SRBD1: variants seen among roughly 807,000 people sequenced by gnomAD.
The protein encoded by SRBD1 is S1 RNA-binding domain-containing protein 1.
A neutral mutation model predicts 115.3 loss-of-function variants in SRBD1; 88 were observed. The observed-to-expected ratio is 0.76, with a 90% CI of 0.64 to 0.91. The LOEUF is 0.91. SRBD1 is among the 40% of genes least tolerant of loss of function. The pLI, the probability that SRBD1 is intolerant of heterozygous loss-of-function variation, is 0.00. For synonymous variants in SRBD1, 509 were observed against 407.7 expected (o/e 1.25, Z -2.99); for missense variants, 1,385 against 1,177.4 (o/e 1.18, Z -2.58).
intron 14 of SRBD1, among the ~76,000 whole-genome samples, chr2:45,532,490 A>G (rs1671643348): frequency 6.6e-6 from 1 of 151,830 alleles, no homozygotes; most frequent in Non-Finnish European, 1.5e-5. Context: ...TGAGTAGAGA[A>G]TAAATAAAAG....
intron 16 of SRBD1, among the ~76,000 whole-genome samples, chr2:45,438,713 G>A (rs572912474): frequency 6.6e-6 from 1 of 152,062 alleles, no homozygotes; most frequent in Non-Finnish European, 1.5e-5. Context: ...AGGATGGGGG[G>A]TATAAAAGAA....
chr2:45,450,040 G>A (rs573763856), intron 16 of SRBD1, among the ~76,000 whole-genome samples: 1 of 152,190 alleles, frequency 6.6e-6, no homozygotes, highest in South Asian at 2.1e-4. Flanking sequence ...CCAAACACTT[G>A]GAAGTGAAAC....
At chr2:45,453,297 GAA>G (rs1669052894) in intron 16 of SRBD1, among the ~76,000 whole-genome samples, 1 of 148,510 alleles carries the variant, frequency 6.7e-6, no homozygotes, top group Non-Finnish European at 1.5e-5. Flanking sequence ...GAAAAGAAAA[GAA>G]AAAGGAAAGA....
At chr2:45,555,391 AAAAC>A (rs1485584121) in intron 10 of SRBD1, among the ~76,000 whole-genome samples, 7 of 152,158 alleles carry the variant, frequency 4.6e-5, no homozygotes, top group Non-Finnish European at 8.8e-5. Flanking sequence ...AAACAAAAAC[AAAAC>A]AAACAAAAAA....
At chr2:45,599,411 T>C in intron 4 of SRBD1, 38 bp downstream of exon 4, 1 of 1,582,302 alleles carries the variant, frequency 6.3e-7, no homozygotes. Context: ...AAGAAAGCAC[T>C]CAAAACAACT....
intron 18 of SRBD1, among the ~76,000 whole-genome samples, chr2:45,414,183 C>A (rs1667691125): frequency 6.6e-6 from 1 of 151,956 alleles, no homozygotes. Flanking sequence ...CATACCTAGT[C>A]AAATTAGCAT....
intron 14 of SRBD1, among the ~76,000 whole-genome samples, chr2:45,507,618 G>A (rs1670836734): frequency 2.0e-5 from 3 of 151,856 alleles, no homozygotes; most frequent in African/African-American, 7.3e-5. Flanking sequence ...CTACTCAAGA[G>A]GCTGAGGCAG....
chr2:45,390,818 TA>T (rs1243326000), intron 20 of SRBD1, among the ~76,000 whole-genome samples: 1 of 152,170 alleles, frequency 6.6e-6, no homozygotes, highest in Non-Finnish European at 1.5e-5. Context: ...TAAAACAAAA[TA>T]AAAACCTTCT....
chr2:45,430,119 T>C, intron 16 of SRBD1, among the ~76,000 whole-genome samples: 1 of 151,998 alleles, frequency 6.6e-6, no homozygotes, highest in East Asian at 1.9e-4. Flanking sequence ...TACAAACCAC[T>C]GCGCAAGGAA....
chr2:45,430,751 A>G (rs1468706530), intron 16 of SRBD1, among the ~76,000 whole-genome samples: 1 of 152,250 alleles, frequency 6.6e-6, no homozygotes, highest in Non-Finnish European at 1.5e-5. Context: ...CTTCATGACT[A>G]AAACACCAAA....
At chr2:45,462,764 T>C (rs1263903882) in intron 16 of SRBD1, among the ~76,000 whole-genome samples, 1 of 151,828 alleles carries the variant, frequency 6.6e-6, no homozygotes, top group East Asian at 1.9e-4. Context: ...AGGCAGAGCT[T>C]GCAGTGAGCT....
intron 16 of SRBD1, among the ~76,000 whole-genome samples, chr2:45,472,085 C>A (rs1392448683): frequency 6.6e-6 from 1 of 151,926 alleles, no homozygotes; most frequent in Non-Finnish European, 1.5e-5. Flanking sequence ...AAAAGCCTAC[C>A]AACTGATGAA....
intron 14 of SRBD1, among the ~76,000 whole-genome samples, chr2:45,509,853 G>A (rs1670913665): frequency 6.6e-6 from 1 of 152,074 alleles, no homozygotes; most frequent in African/African-American, 2.4e-5. Flanking sequence ...TCCCATCTCA[G>A]CCTCCTGAGT....
intron 2 of SRBD1, among the ~76,000 whole-genome samples, chr2:45,602,839 G>T (rs1674142348): frequency 6.6e-6 from 1 of 152,086 alleles, no homozygotes; most frequent in Admixed American, 6.5e-5. Flanking sequence ...GGGAAGTCTG[G>T]GTTTTTTAAT....
chr2:45,432,301 T>C (rs149868312), intron 16 of SRBD1, among the ~76,000 whole-genome samples: 7,163 of 152,186 alleles, frequency 0.047, 305 homozygotes, highest in East Asian at 0.13. Context: ...AGTGCTGGGA[T>C]TACAGGTGTG....
chr2:45,506,119 T>C (rs1009274416), intron 14 of SRBD1, among the ~76,000 whole-genome samples: 6 of 152,158 alleles, frequency 3.9e-5, no homozygotes, highest in Non-Finnish European at 8.8e-5. Flanking sequence ...AATCAGTGAT[T>C]TGTTTAGGGA....
In SRBD1 at chr2:45,592,565, G is replaced by A. The variant is rs1284558212; in HGVS notation, c.649-6791C>T. ...CCACTCCTACTCTGAAGTTTGCCTT[G>A]GTCTCTCTTGCTTTATGCCCCTCAG... On this transcript the variant is annotated intron_variant, in intron 4 of 20. Transcript: ENST00000263736. 2.0e-5 allele frequency among the ~76,000 whole-genome samples: 3 copies of A among 152,188 alleles called. No homozygotes were observed. In the East Asian group the frequency reaches 5.8e-4, roughly 29 times the overall value.
At chr2:45,486,037 T>C (rs1006781915) in intron 15 of SRBD1, among the ~76,000 whole-genome samples, 1 of 152,220 alleles carries the variant, frequency 6.6e-6, no homozygotes, top group Non-Finnish European at 1.5e-5. Context: ...CACACACTGA[T>C]GACACAGCTA....
chr2:45,568,490 A>G (rs913978752), intron 9 of SRBD1, among the ~76,000 whole-genome samples: 1 of 152,192 alleles, frequency 6.6e-6, no homozygotes, highest in Admixed American at 6.5e-5. Flanking sequence ...CGGCCTGTAC[A>G]TGATAAACTA....
Sources: gnomAD v4.1 joint callset for allele counts (sites outside exome capture counted in the v4.1 genomes callset) on GRCh38, gnomAD v4.1.1 for gene constraint, MANE v1.5 for transcripts, NCBI Gene and HGNC (gene_info 2026-07-23, HGNC 2026-07-21) for gene names.